Variants in LMO2 observed in about 807,000 individuals in gnomAD.
LMO2 encodes rhombotin-2.
A neutral mutation model predicts 23.2 loss-of-function variants in LMO2; 20 were observed. That is an observed-to-expected ratio of 0.86 (90% CI 0.61 to 1.25). The LOEUF (loss-of-function observed/expected upper bound fraction) is 1.25. LMO2 is among the 50% of genes most tolerant of loss of function. LMO2 has a pLI of 0.00. For synonymous variants in LMO2, 123 were observed against 130.2 expected (o/e 0.94, Z 0.38); for missense variants, 270 against 315.3 (o/e 0.86, Z 1.09).
rs1857180458 is a variant in LMO2 at position 33,878,113 on chromosome 11, G to A, written c.-272+3711C>T. On this transcript the variant is annotated intron_variant, in intron 2 of 5. Coordinates refer to ENST00000257818, the MANE Select transcript of LMO2 (RefSeq NM_005574.4). ...AGAAAAGAGGCAGACTGGAAGGTTA[G>A]AGCTGAAATTCTATGTGTGATTCTG... Among the ~76,000 whole-genome samples, 8 of 152,130 alleles carry A rather than the reference G, an allele frequency of 5.3e-5. No individual in the cohort carries two copies. In the South Asian group the frequency reaches 1.7e-3, roughly 32 times the overall value.
intron 1 of LMO2, among the ~76,000 whole-genome samples, chr11:33,884,780 T>A (rs766372019): frequency 4.6e-5 from 7 of 152,252 alleles, no homozygotes; most frequent in Non-Finnish European, 8.8e-5. Context: ...TCCAGCAGGA[T>A]ACACTATGCC....
chr11:33,869,133 C>A (rs1856899875), intron 4 of LMO2, among the ~76,000 whole-genome samples: 3 of 152,172 alleles, frequency 2.0e-5, no homozygotes, highest in African/African-American at 7.2e-5. Flanking sequence ...GCCGGGCCGA[C>A]CCCTGTCCCT....
chr11:33,860,631 G>T (rs1479597649), intron 5 of LMO2, among the ~76,000 whole-genome samples: 1 of 152,114 alleles, frequency 6.6e-6, no homozygotes, highest in Non-Finnish European at 1.5e-5. Context: ...GGGTGCGGTG[G>T]TGCATGCCTC....
chr11:33,863,774 G>A (rs1333621000), intron 5 of LMO2, among the ~76,000 whole-genome samples: 1 of 152,212 alleles, frequency 6.6e-6, no homozygotes, highest in Non-Finnish European at 1.5e-5. Context: ...CTTACTTGGT[G>A]TTGTCGAGTT....
At chr11:33,883,641 C>T (rs915153287) in intron 1 of LMO2, among the ~76,000 whole-genome samples, 2 of 152,140 alleles carry the variant, frequency 1.3e-5, no homozygotes, top group Admixed American at 6.5e-5. Context: ...AGCAGAAAAT[C>T]GAGTTGCCCC....
rs202050792 is a variant in LMO2 at position 33,880,285 on chromosome 11, C to G, written c.-272+1539G>C. The stretch of plus-strand genomic sequence containing the variant: ...TATCATACATACACATGATATATAT[C>G]ATATATATCATATATATACATATCA... On this transcript the variant is annotated intron_variant, in intron 2 of 5. Coordinates refer to ENST00000257818, the MANE Select transcript of LMO2 (RefSeq NM_005574.4). The surrounding 1 kb of genome is among the most constrained non-coding windows in gnomAD (Gnocchi z 4.3). Among the ~76,000 whole-genome samples the G allele has an allele frequency of 3.8e-3, 206 of 53,614 alleles. 1 individual carries two copies. Among genetic ancestry groups the G allele is most frequent in the African/African-American group, 0.016 (204 of 12,898 alleles). 35.2% of individuals were successfully genotyped at this position (53,614 alleles called of 152,430 possible). A position where few individuals can be genotyped will look rare whatever the true frequency, so the allele number is the denominator to read the frequency against.
chr11:33,869,594 C>T lies in LMO2; in HGVS notation c.8-8G>A, dbSNP rs1454238641. 5 of 1,288,844 alleles carry T rather than the reference C, an allele frequency of 3.9e-6. No individual in the cohort carries two copies. The highest frequency in any genetic ancestry group is 5.0e-6 in the Non-Finnish European group (5 of 1,008,088). The allele number at this position is 1,288,844 out of a possible 1,614,324, so 79.8% of individuals were successfully genotyped here. Reference sequence around the variant, plus strand: ...GGACAGTCACCGCGCTCCCTTCAAACGCCAAAGAGAGAGAGCGAATCACCG... The same window carrying T: ...GGACAGTCACCGCGCTCCCTTCAAATGCCAAAGAGAGAGAGCGAATCACCG... On this transcript the variant is annotated splice_polypyrimidine_tract_variant and splice_region_variant and intron_variant, in intron 3 of 5. Transcript: ENST00000257818.
At chr11:33,860,718 C>T (rs752674392) in intron 5 of LMO2, among the ~76,000 whole-genome samples, 2 of 151,950 alleles carry the variant, frequency 1.3e-5, no homozygotes, top group Admixed American at 6.6e-5. Context: ...TGCAGTGAGC[C>T]GAGATCATGC....
At chr11:33,872,887 G>C (rs530479787) in intron 2 of LMO2, among the ~76,000 whole-genome samples, 1 of 151,794 alleles carries the variant, frequency 6.6e-6, no homozygotes, top group Non-Finnish European at 1.5e-5. Flanking sequence ...TCAGCCTCCC[G>C]AGTAGCTGGG....
intron 4 of LMO2, among the ~76,000 whole-genome samples, chr11:33,866,373 G>A (rs1286085750): frequency 2.6e-5 from 4 of 152,184 alleles, no homozygotes; most frequent in Admixed American, 1.3e-4. Context: ...AGTGGCTCAC[G>A]CTTGTAATCC....
intron 5 of LMO2, among the ~76,000 whole-genome samples, chr11:33,861,339 T>C (rs973520448): frequency 6.6e-6 from 1 of 152,154 alleles, no homozygotes; most frequent in African/African-American, 2.4e-5. Context: ...TTCTGAGAGG[T>C]TGTAGGGGAC....
At chr11:33,871,147 A>G (rs547922825) in intron 2 of LMO2, 15 of 769,962 alleles carry the variant, frequency 1.9e-5, no homozygotes, top group Admixed American at 6.4e-5. Flanking sequence ...TGCTCTTGTC[A>G]TTTTCTGGTC....
chr11:33,860,431 G>A (rs140516899), intron 5 of LMO2, among the ~76,000 whole-genome samples: 45 of 152,272 alleles, frequency 3.0e-4, no homozygotes, highest in African/African-American at 1.0e-3. Flanking sequence ...TTGGTCCTGG[G>A]ACCAGCGACA....
chr11:33,881,976 G>A (rs1432026578), intron 1 of LMO2, 89 bp from the exon 2 acceptor site: 2 of 152,750 alleles, frequency 1.3e-5, no homozygotes, highest in African/African-American at 4.8e-5. Context: ...TCTTCAGTTA[G>A]AGAAATGTTT....
chr11:33,870,452 G>GCGGGCTA (rs1856984092), intron 2 of LMO2: 5 of 985,982 alleles, frequency 5.1e-6, no homozygotes, highest in Non-Finnish European at 6.0e-6. Flanking sequence ...TCTGCGGGCT[G>GCGGGCTA]CGGGCTACGG....
chr11:33,876,737 CAT>C (rs918377014), intron 2 of LMO2, among the ~76,000 whole-genome samples: 3 of 152,198 alleles, frequency 2.0e-5, no homozygotes, highest in African/African-American at 4.8e-5. Flanking sequence ...TGCAGTCAAT[CAT>C]ATGAGTAAAA....
In LMO2 at chr11:33,869,845, C is replaced by G; in HGVS notation, c.-129G>C. 1.9e-6 allele frequency: 2 copies of G among 1,060,618 alleles called. No individual in the cohort carries two copies. The highest frequency in any genetic ancestry group is 2.3e-6 in the Non-Finnish European group (2 of 879,526). 65.7% of individuals were successfully genotyped at this position (1,060,618 alleles called of 1,614,324 possible). On this transcript the variant is annotated 5_prime_UTR_variant, in exon 3 of 6. Coordinates refer to ENST00000257818, the MANE Select transcript of LMO2 (RefSeq NM_005574.4). Reference sequence around the variant, plus strand: ...CGCACCTTCGGCCCGGGTCGCGGCGCGCTGCTCGCCGCCGAGGGCAGAGAG... The same window carrying G: ...CGCACCTTCGGCCCGGGTCGCGGCGGGCTGCTCGCCGCCGAGGGCAGAGAG...
chr11:33,867,690 G>A (rs1255103674), intron 4 of LMO2, among the ~76,000 whole-genome samples: 1 of 152,176 alleles, frequency 6.6e-6, no homozygotes, highest in East Asian at 1.9e-4. Context: ...GTGAAGGAAG[G>A]AGCTGGTGAG....
In LMO2 at chr11:33,864,660, C is replaced by T. The variant is rs759064832; in HGVS notation, c.406G>A (p.Val136Met). Residue 136 changes from valine to methionine, a missense_variant, in exon 5 of 6, where the codon GTG (valine) becomes ATG (methionine). This residue lies in a region of LMO2 where 100 missense variants were observed against 153.3 expected (regional missense o/e 0.65). Coordinates refer to ENST00000257818, the MANE Select transcript of LMO2 (RefSeq NM_005574.4). The surrounding 1 kb of genome is among the most constrained non-coding windows in gnomAD (Gnocchi z 4.8). Reference protein sequence around the residue: ...CDLCGCRLGEVGRRLYYKLGR... With the variant: ...CDLCGCRLGEMGRRLYYKLGR... ...AGTTTGTAGTAGAGGCGCCGCCCCA[C>T]CTCACCCAGCCGGCAGCCACAGAGG... 6.2e-7 allele frequency: 1 copy of T among 1,613,970 alleles called. No individual in the cohort carries two copies. The highest frequency in any genetic ancestry group is 8.5e-7 in the Non-Finnish European group (1 of 1,180,042).
Sources: allele counts gnomAD v4.1 joint callset (sites outside exome capture counted in the v4.1 genomes callset), GRCh38; gene constraint gnomAD v4.1.1; regional missense constraint gnomAD v4.1.1; non-coding constraint Gnocchi (gnomAD v3.1); transcripts MANE v1.5; gene names NCBI Gene and HGNC (gene_info 2026-07-23, HGNC 2026-07-21).